Variants in RIPOR3 observed in about 807,000 individuals in gnomAD.
The protein encoded by RIPOR3 is RIPOR family member 3.
In RIPOR3, 95 loss-of-function variants were observed where a neutral mutation model predicts 114.3. The ratio of observed to expected loss-of-function variants is 0.83; its 90% confidence interval spans 0.70 to 0.99. The LOEUF (loss-of-function observed/expected upper bound fraction) is 0.99. RIPOR3 is among the 50% of genes least tolerant of loss of function. The probability of loss-of-function intolerance (pLI) is 0.00; values close to 1 mark genes in which losing one functional copy is unlikely to be tolerated. For synonymous variants in RIPOR3, 575 were observed against 543.8 expected, an observed-to-expected ratio of 1.06 and a Z score of -0.80; for missense variants, 1,252 against 1,266.9, an observed-to-expected ratio of 0.99 and a Z score of 0.18.
At chr20:50,594,443 C>CA in intron 17 of RIPOR3, 110 bp downstream of exon 17, 1 of 1,288,652 alleles carries the variant, frequency 7.8e-7, no homozygotes, top group South Asian at 1.4e-5. Flanking sequence ...CATGAAGACA[C>CA]AGAGGTGAAG....
chr20:50,615,837 C>T (rs1181937378), intron 4 of RIPOR3, among the ~76,000 whole-genome samples, 165 bp downstream of exon 4: 3 of 152,152 alleles, frequency 2.0e-5, no homozygotes, highest in South Asian at 2.1e-4. Context: ...AACTGCTGTA[C>T]GTGCCAAAGT....
intron 2 of RIPOR3, among the ~76,000 whole-genome samples, chr20:50,625,434 G>A (rs924266366): frequency 6.6e-6 from 1 of 152,168 alleles, no homozygotes; most frequent in African/African-American, 2.4e-5. Context: ...TTGAGGTCAG[G>A]CCCCCTGGTA....
At chr20:50,641,282 A>C (rs1221375534) in intron 1 of RIPOR3, among the ~76,000 whole-genome samples, 1 of 151,146 alleles carries the variant, frequency 6.6e-6, no homozygotes, top group Non-Finnish European at 1.5e-5. Context: ...TGGTGGGATC[A>C]CAGCTCACTG....
intron 3 of RIPOR3, among the ~76,000 whole-genome samples, chr20:50,617,991 C>T (rs1423690329): frequency 3.3e-5 from 5 of 151,942 alleles, no homozygotes; most frequent in Admixed American, 6.6e-5. Context: ...AGGGGCTGGG[C>T]GTGGTGGCTT....
chr20:50,591,428 T>G (rs2083103854), intron 19 of RIPOR3, among the ~76,000 whole-genome samples: 1 of 152,150 alleles, frequency 6.6e-6, no homozygotes, highest in Admixed American at 6.6e-5. Flanking sequence ...CATGGGTTGA[T>G]GGTGGTTGGG....
At chr20:50,628,920 T>A (rs2084719505) in intron 2 of RIPOR3, among the ~76,000 whole-genome samples, 1 of 152,118 alleles carries the variant, frequency 6.6e-6, no homozygotes, top group Non-Finnish European at 1.5e-5. Context: ...GGTGGGGTCC[T>A]ATCCCCGCAG....
chr20:50,605,086 CTAATTTT>C (rs1240004037), intron 11 of RIPOR3, among the ~76,000 whole-genome samples: 1 of 152,028 alleles, frequency 6.6e-6, no homozygotes, highest in Non-Finnish European at 1.5e-5. Flanking sequence ...CCATGCTGGA[CTAATTTT>C]TAAATTTATT....
chr20:50,685,819 CAAA>C (rs541595639), intron 1 of RIPOR3, among the ~76,000 whole-genome samples: 1 of 113,030 alleles, frequency 8.8e-6, no homozygotes, highest in Non-Finnish European at 1.7e-5. Context: ...GACTCTGTCT[CAAA>C]AAAAAAAAAA....
intron 1 of RIPOR3, among the ~76,000 whole-genome samples, chr20:50,641,534 C>CA (rs1414257730): frequency 1.3e-5 from 2 of 152,172 alleles, no homozygotes; most frequent in Non-Finnish European, 2.9e-5. Flanking sequence ...AGGTGTGAGC[C>CA]CCACACCTGG....
intron 6 of RIPOR3, among the ~76,000 whole-genome samples, 174 bp downstream of exon 6, chr20:50,610,679 T>G (rs571832848): frequency 8.5e-5 from 13 of 152,226 alleles, no homozygotes; most frequent in Admixed American, 8.5e-4. Flanking sequence ...GAGCCCCTGC[T>G]GTCCTTCAAC....
At chr20:50,677,962 G>A (rs1012048716) in intron 1 of RIPOR3, among the ~76,000 whole-genome samples, 8 of 152,082 alleles carry the variant, frequency 5.3e-5, no homozygotes, top group African/African-American at 1.7e-4. Context: ...GAGCCACCGC[G>A]CCTGGCCTTA....
intron 1 of RIPOR3, among the ~76,000 whole-genome samples, chr20:50,663,925 CTTTTTT>C (rs11477745): frequency 1.6e-5 from 2 of 123,956 alleles, no homozygotes; most frequent in Non-Finnish European, 3.4e-5. Context: ...CTCTCTCTCT[CTTTTTT>C]TTTTTTTTTT....
intron 1 of RIPOR3, among the ~76,000 whole-genome samples, chr20:50,649,574 C>A (rs550755398): frequency 6.6e-6 from 1 of 152,220 alleles, no homozygotes; most frequent in South Asian, 2.1e-4. Flanking sequence ...AGGCCTGGCC[C>A]AGCCTGCCTG....
At chr20:50,666,180 C>CCCTTT (rs1600720802) in intron 1 of RIPOR3, among the ~76,000 whole-genome samples, 2 of 82,604 alleles carry the variant, frequency 2.4e-5, no homozygotes, top group African/African-American at 5.5e-5. Context: ...AGAAAGGACA[C>CCCTTT]CCATTTCTTT....
At chr20:50,587,705 AGTT>A (rs1320862133) in intron 21 of RIPOR3, 94 bp downstream of exon 21, 72 of 1,190,764 alleles carry the variant, frequency 6.0e-5, no homozygotes, top group East Asian at 7.3e-5. Flanking sequence ...GGTGCCCCAG[AGTT>A]GTTCTGCCTG....
At chr20:50,674,303 G>A (rs1385679474) in intron 1 of RIPOR3, among the ~76,000 whole-genome samples, 1 of 152,052 alleles carries the variant, frequency 6.6e-6, no homozygotes, top group Non-Finnish European at 1.5e-5. Context: ...GCTAACAAAT[G>A]TGACCTTGGG....
chr20:50,605,209 A>G (rs1305906506), intron 11 of RIPOR3, among the ~76,000 whole-genome samples: 1 of 152,206 alleles, frequency 6.6e-6, no homozygotes, highest in Non-Finnish European at 1.5e-5. Context: ...CTGGGATTAC[A>G]GGCCATGAGC....
intron 1 of RIPOR3, among the ~76,000 whole-genome samples, chr20:50,680,899 C>T (rs1342775988): frequency 6.6e-6 from 1 of 152,160 alleles, no homozygotes; most frequent in Non-Finnish European, 1.5e-5. Context: ...AGAACATATT[C>T]CGGGGAAATT....
chr20:50,594,411 A>G, intron 17 of RIPOR3, 142 bp downstream of exon 17: 1 of 1,023,332 alleles, frequency 9.8e-7, no homozygotes, highest in South Asian at 1.9e-5. Flanking sequence ...ACTGAAGCTG[A>G]GAAAGCTCCT....
Sources: allele counts gnomAD v4.1 joint callset (sites outside exome capture counted in the v4.1 genomes callset), GRCh38; gene constraint gnomAD v4.1.1; transcripts MANE v1.5; gene names NCBI Gene and HGNC (gene_info 2026-07-23, HGNC 2026-07-21).